SASH1: variants seen among roughly 807,000 people sequenced by gnomAD.
SASH1 encodes SAM and SH3 domain-containing protein 1.
Under a neutral mutation model 125.2 loss-of-function variants are expected in SASH1, and 44 were observed. That is an observed-to-expected ratio of 0.35 (90% CI 0.28 to 0.45). SASH1 has a LOEUF of 0.45. Ranked by LOEUF, SASH1 falls within the 20% of genes least tolerant of loss-of-function variation. The pLI, the probability that SASH1 is intolerant of heterozygous loss-of-function variation, is 1.00. For missense variants in SASH1, 1,426 were observed against 1,614.5 expected, an observed-to-expected ratio of 0.88 and a Z score of 2.00; for synonymous variants, 639 against 649.1, an observed-to-expected ratio of 0.98 and a Z score of 0.24.
chr6:148,471,386 C>CTTTTTTTTTTT (rs35487674), intron 5 of SASH1, 31 bp from the exon 6 acceptor site: 13 of 503,562 alleles, frequency 2.6e-5, no homozygotes, highest in South Asian at 3.5e-5. Flanking sequence ...GCTTTTTGTT[C>CTTTTTTTTTTT]TTTTTTTTTT....
At chr6:148,328,132 G>T (rs1219602124) in intron 1 of SASH1, among the ~76,000 whole-genome samples, 2 of 152,070 alleles carry the variant, frequency 1.3e-5, no homozygotes, top group African/African-American at 4.8e-5. Flanking sequence ...GCCTTGAACG[G>T]TTGGCCTCGA....
At chr6:148,303,176 C>T (rs1020559622) in intron 1 of SASH1, among the ~76,000 whole-genome samples, 1 of 151,898 alleles carries the variant, frequency 6.6e-6, no homozygotes, top group African/African-American at 2.4e-5. Flanking sequence ...AACAGGGTTT[C>T]ACCATGTTGG....
At chr6:148,456,079 G>C (rs1777330460) in intron 4 of SASH1, among the ~76,000 whole-genome samples, 1 of 152,182 alleles carries the variant, frequency 6.6e-6, no homozygotes, top group African/African-American at 2.4e-5. Flanking sequence ...GGGAGCCACT[G>C]TTTGTTTCCA....
intron 1 of SASH1, among the ~76,000 whole-genome samples, chr6:148,319,742 G>A (rs540764580): frequency 5.3e-5 from 8 of 151,930 alleles, no homozygotes; most frequent in African/African-American, 1.7e-4. Context: ...TCGAATTCCC[G>A]ATCTCAGGTG....
chr6:148,434,411 G>GA (rs1338049685), intron 2 of SASH1, among the ~76,000 whole-genome samples: 1 of 151,986 alleles, frequency 6.6e-6, no homozygotes, highest in South Asian at 2.1e-4. Flanking sequence ...TTCATCTTTA[G>GA]AAAAAAGTAA....
chr6:148,395,482 A>G (rs1472750367), intron 2 of SASH1, among the ~76,000 whole-genome samples: 1 of 152,222 alleles, frequency 6.6e-6, no homozygotes, highest in Non-Finnish European at 1.5e-5. Flanking sequence ...TGCATTTGAT[A>G]AAGTGTCTTT....
the SASH1 span, among the ~76,000 whole-genome samples, chr6:148,209,991 G>A: frequency 6.6e-6 from 1 of 152,164 alleles, no homozygotes; most frequent in South Asian, 2.1e-4. Context: ...CAGACAGAAA[G>A]GAAAACATAG....
At chr6:148,271,655 G>C (rs1779065709), upstream of SASH1, among the ~76,000 whole-genome samples, 1 of 152,190 alleles carries the variant, frequency 6.6e-6, no homozygotes, top group South Asian at 2.1e-4. Context: ...CCCCAGCGAA[G>C]GTGTTTCAGA....
chr6:148,532,051 G>A lies in SASH1; in HGVS notation c.1564+390G>A, dbSNP rs1781549788. On this transcript the variant is annotated intron_variant, in intron 13 of 19. Transcript: ENST00000367467. The surrounding 1 kb of genome is among the most constrained non-coding windows in gnomAD (Gnocchi z 4.7). Reference sequence around the variant, plus strand: ...CAATGGTAGTTGGAGTTGGCTGAATGGTATGAAGGAAAAGATCAACTTTAT... The same window carrying A: ...CAATGGTAGTTGGAGTTGGCTGAATAGTATGAAGGAAAAGATCAACTTTAT... 6.6e-6 allele frequency among the ~76,000 whole-genome samples: 1 copy of A among 152,072 alleles called. No homozygotes were observed. Among genetic ancestry groups the A allele is most frequent in the Admixed American group, 6.5e-5 (1 of 15,274 alleles).
intron 1 of SASH1, among the ~76,000 whole-genome samples, chr6:148,307,359 G>C (rs971589406): frequency 2.0e-5 from 3 of 151,858 alleles, no homozygotes; most frequent in African/African-American, 7.3e-5. Flanking sequence ...CTCGTGATCT[G>C]CCTGCCTCGG....
At chr6:148,395,920 A>G (rs1387275990) in intron 2 of SASH1, among the ~76,000 whole-genome samples, 2 of 152,132 alleles carry the variant, frequency 1.3e-5, no homozygotes, top group Non-Finnish European at 2.9e-5. Context: ...TTGAGGTGGA[A>G]TCTGTGTGGG....
At chr6:148,288,824 T>C (rs901859461) in intron 1 of SASH1, among the ~76,000 whole-genome samples, 1 of 152,194 alleles carries the variant, frequency 6.6e-6, no homozygotes, top group Non-Finnish European at 1.5e-5. Flanking sequence ...TTTCTAAATG[T>C]GAACACCACA....
chr6:148,304,533 C>G (rs564575402), intron 1 of SASH1, among the ~76,000 whole-genome samples: 5 of 151,668 alleles, frequency 3.3e-5, no homozygotes, highest in African/African-American at 4.8e-5. Context: ...TTGCTCGAAC[C>G]GGGGAGGCAG....
chr6:148,463,453 T>A (rs555872114), intron 4 of SASH1, among the ~76,000 whole-genome samples: 1 of 152,220 alleles, frequency 6.6e-6, no homozygotes, highest in African/African-American at 2.4e-5. Context: ...CGATATAATT[T>A]TTGTAAAACG....
chr6:148,462,309 T>A (rs1362725500), intron 4 of SASH1, among the ~76,000 whole-genome samples: 4 of 151,996 alleles, frequency 2.6e-5, no homozygotes, highest in African/African-American at 9.7e-5. Flanking sequence ...TTCTTTTTTT[T>A]TTTTCTTGGT....
At chr6:148,534,966 G>T (rs1781754304) in intron 16 of SASH1, 65 bp downstream of exon 16, 2 of 1,529,594 alleles carry the variant, frequency 1.3e-6, no homozygotes, top group Non-Finnish European at 1.8e-6. Flanking sequence ...CACGTATGCT[G>T]CCAGTATGTG....
chr6:148,382,502 C>T (rs1783181535), intron 1 of SASH1, among the ~76,000 whole-genome samples: 1 of 152,164 alleles, frequency 6.6e-6, no homozygotes, highest in Non-Finnish European at 1.5e-5. Flanking sequence ...GTTGGTCAGG[C>T]TGGTCTCGAA....
At chr6:148,511,847 C>T (rs1467413012) in intron 8 of SASH1, among the ~76,000 whole-genome samples, 1 of 151,986 alleles carries the variant, frequency 6.6e-6, no homozygotes, top group East Asian at 1.9e-4. Flanking sequence ...ATTTCTCTTA[C>T]TGCCCACTGT....
intron 2 of SASH1, among the ~76,000 whole-genome samples, chr6:148,400,697 G>A (rs1293010434): frequency 6.6e-6 from 1 of 152,176 alleles, no homozygotes; most frequent in African/African-American, 2.4e-5. Context: ...GCTGCAGTGA[G>A]CCATGATAGC....
Sources: gnomAD v4.1 joint callset for allele counts (sites outside exome capture counted in the v4.1 genomes callset) on GRCh38, gnomAD v4.1.1 for gene constraint, Gnocchi (gnomAD v3.1) non-coding constraint, MANE v1.5 for transcripts, NCBI Gene and HGNC (gene_info 2026-07-23, HGNC 2026-07-21) for gene names.